SLC38A11: variants seen among roughly 807,000 people sequenced by gnomAD.
SLC38A11 encodes putative sodium-coupled neutral amino acid transporter 11.
In SLC38A11, 51 loss-of-function variants were observed where a neutral mutation model predicts 49.4. The ratio of observed to expected loss-of-function variants is 1.03; its 90% CI spans 0.83 to 1.30. SLC38A11 has a LOEUF of 1.30. SLC38A11 is among the 50% of genes most tolerant of loss of function. The pLI is 0.00. For missense variants in SLC38A11, 574 were observed against 556.2 expected (o/e 1.03, Z -0.32); for synonymous variants, 203 against 192.9 (o/e 1.05, Z -0.43).
intron 9 of SLC38A11, chr2:164,912,198 TAA>T (rs1685452414): frequency 6.6e-6 from 1 of 152,278 alleles, no homozygotes; most frequent in Non-Finnish European, 1.5e-5. Context: ...CAGGTCTAAA[TAA>T]AAGTTTTTGA....
chr2:164,945,725 A>T lies in SLC38A11; in HGVS notation c.232T>A (p.Phe78Ile). ...CCTTTTATCAATAAAACAAGGGAAAAGTCTGTGGCAAGAACATCAATTAAA... is the reference window on the plus strand; with the variant it reads ...CCTTTTATCAATAAAACAAGGGAAATGTCTGTGGCAAGAACATCAATTAAA... The part of the protein sequence containing the change: ...LLFWVSYVTD[F>I]SLVLLIKGGA... The change falls in exon 4 of 12, where the codon TTT (phenylalanine) becomes ATT (isoleucine). Residue 78 changes from phenylalanine to isoleucine, a missense_variant and splice_region_variant. Transcript: ENST00000685975. 2 of 1,604,690 alleles carry T rather than the reference A, an allele frequency of 1.2e-6. No homozygotes were observed. Among genetic ancestry groups the T allele is most frequent in the Non-Finnish European group, 8.5e-7 (1 of 1,177,968 alleles).
intron 7 of SLC38A11, among the ~76,000 whole-genome samples, chr2:164,929,670 T>C (rs1318019014): frequency 1.3e-5 from 2 of 152,126 alleles, no homozygotes; most frequent in African/African-American, 2.4e-5. Flanking sequence ...TACCTAATAA[T>C]AGGACTAACC....
intron 3 of SLC38A11, 83 bp from the exon 4 acceptor site, chr2:164,945,810 A>G: frequency 6.8e-7 from 1 of 1,479,310 alleles, no homozygotes; most frequent in Non-Finnish European, 9.2e-7. Flanking sequence ...CATCGAGAAA[A>G]GGGGAAATTT....
chr2:164,942,706 T>C (rs1042903035), intron 5 of SLC38A11, among the ~76,000 whole-genome samples: 5 of 152,214 alleles, frequency 3.3e-5, no homozygotes, highest in African/African-American at 1.2e-4. Context: ...CCTCAGCTTA[T>C]GCATTCATGC....
intron 3 of SLC38A11, among the ~76,000 whole-genome samples, chr2:164,947,885 C>G (rs1688246364): frequency 6.6e-6 from 1 of 152,136 alleles, no homozygotes; most frequent in African/African-American, 2.4e-5. Context: ...GTCTGGAGTA[C>G]TGCAATAACC....
At chr2:164,914,348 A>AG (rs1685616103) in intron 9 of SLC38A11, among the ~76,000 whole-genome samples, 1 of 152,036 alleles carries the variant, frequency 6.6e-6, no homozygotes, top group Non-Finnish European at 1.5e-5. Flanking sequence ...AGTAGAAGAG[A>AG]GGACTGCTCA....
chr2:164,916,959 G>T (rs1685838548), intron 7 of SLC38A11, among the ~76,000 whole-genome samples: 1 of 152,094 alleles, frequency 6.6e-6, no homozygotes, highest in African/African-American at 2.4e-5. Context: ...GATAATTGTA[G>T]TATCTAACTC....
intron 5 of SLC38A11, 136 bp downstream of exon 5, chr2:164,944,433 G>A: frequency 2.7e-6 from 1 of 364,390 alleles, no homozygotes; most frequent in Non-Finnish European, 4.9e-6. Context: ...AATGGATCAT[G>A]GATATTGTGA....
chr2:164,917,544 T>C lies in SLC38A11; in HGVS notation c.618-1571A>G, dbSNP rs188716696. On this transcript the variant is annotated intron_variant, in intron 7 of 11. Coordinates refer to ENST00000685975, the MANE Select transcript of SLC38A11 (RefSeq NM_001351537.2). Reference sequence around the variant, plus strand: ...GTCGACATTAAAAGCAGCATACCTGTTAAATTCCAATGTTAATGTGGAAAA... The same window carrying C: ...GTCGACATTAAAAGCAGCATACCTGCTAAATTCCAATGTTAATGTGGAAAA... Among the ~76,000 whole-genome samples the C allele has an allele frequency of 2.3e-3, 348 of 152,262 alleles. 1 individual carries two copies. Among genetic ancestry groups the C allele is most frequent in the Admixed American group, 5.2e-3 (80 of 15,282 alleles).
intron 7 of SLC38A11, among the ~76,000 whole-genome samples, chr2:164,925,665 T>C (rs13022689): frequency 0.078 from 11,813 of 152,214 alleles, 494 homozygotes; most frequent in Admixed American, 0.11. Flanking sequence ...AAGGTAGACC[T>C]CTGTATGTCT....
intron 6 of SLC38A11, chr2:164,937,747 T>C (rs1687472307): frequency 1.1e-5 from 2 of 181,036 alleles, no homozygotes; most frequent in Non-Finnish European, 2.3e-5. Context: ...CTTATAAAAG[T>C]AAAAGTGAAA....
intron 3 of SLC38A11, 117 bp downstream of exon 3, chr2:164,952,590 G>T: frequency 2.7e-6 from 2 of 747,218 alleles, no homozygotes; most frequent in East Asian, 2.6e-5. Flanking sequence ...AGGATTCTTT[G>T]ATGCACTTTT....
chr2:164,949,956 T>TGGAGTTTGC (rs1435833794), intron 3 of SLC38A11: 1 of 152,154 alleles, frequency 6.6e-6, no homozygotes, highest in Non-Finnish European at 1.5e-5. Context: ...GTTTTGATTG[T>TGGAGTTTGC]GGAGTTTATA....
intron 5 of SLC38A11, among the ~76,000 whole-genome samples, chr2:164,942,473 G>C (rs1179099249): frequency 6.7e-6 from 1 of 149,616 alleles, no homozygotes; most frequent in African/African-American, 2.5e-5. Context: ...AAGAGAGAAG[G>C]AAAGAAAAAC....
chr2:164,914,134 A>G (rs1280890878), intron 9 of SLC38A11, among the ~76,000 whole-genome samples: 1 of 152,062 alleles, frequency 6.6e-6, no homozygotes, highest in Non-Finnish European at 1.5e-5. Context: ...CTGGTTTGTC[A>G]TCAGCCAGCA....
At chr2:164,920,349 A>T (rs970644790) in intron 7 of SLC38A11, among the ~76,000 whole-genome samples, 1 of 152,150 alleles carries the variant, frequency 6.6e-6, no homozygotes, top group Non-Finnish European at 1.5e-5. Flanking sequence ...TATTTTAAAT[A>T]AAATGTTTGA....
intron 11 of SLC38A11, among the ~76,000 whole-genome samples, chr2:164,902,790 A>G (rs1229299899): frequency 6.6e-6 from 1 of 152,212 alleles, no homozygotes; most frequent in Non-Finnish European, 1.5e-5. Flanking sequence ...AATTTTTACA[A>G]AAACAAAAGT....
intron 11 of SLC38A11, among the ~76,000 whole-genome samples, chr2:164,902,880 A>T (rs911432728): frequency 1.4e-4 from 22 of 152,206 alleles, no homozygotes; most frequent in African/African-American, 5.3e-4. Context: ...GAAAATACTT[A>T]AAAATACCAA....
chr2:164,930,528 C>T (rs147387396), intron 7 of SLC38A11, among the ~76,000 whole-genome samples: 1 of 152,050 alleles, frequency 6.6e-6, no homozygotes, highest in Non-Finnish European at 1.5e-5. Context: ...CAAACCAAAT[C>T]CAGTAGCACA....
Sources: gnomAD v4.1 joint callset for allele counts (sites outside exome capture counted in the v4.1 genomes callset) on GRCh38, gnomAD v4.1.1 for gene constraint, MANE v1.5 for transcripts, NCBI Gene and HGNC (gene_info 2026-07-23, HGNC 2026-07-21) for gene names.